Variants in HTT observed in about 807,000 individuals in gnomAD.
HTT encodes huntington disease protein.
In HTT, 104 loss-of-function variants were observed where a neutral mutation model predicts 362.3. The observed-to-expected ratio is 0.29, with a 90% CI of 0.24 to 0.34. The LOEUF (loss-of-function observed/expected upper bound fraction) is 0.34, where lower values mean the gene tolerates loss of function less well. Among genes scored for constraint, HTT ranks in the 10% least tolerant of loss-of-function variants. The pLI, the probability that HTT is intolerant of heterozygous loss-of-function variation, is 1.00. For missense variants in HTT, 3,301 were observed against 3,928.6 expected (o/e 0.84, Z 4.27); for synonymous variants, 1,577 against 1,548.7 (o/e 1.02, Z -0.43).
chr4:3,198,192 C>G (rs3025828), intron 40 of HTT, among the ~76,000 whole-genome samples: 1 of 149,510 alleles, frequency 6.7e-6, no homozygotes, highest in Non-Finnish European at 1.5e-5. Flanking sequence ...GTTTTAGGAC[C>G]CTTTCACTTT....
In HTT at chr4:3,206,939, C is replaced by A. The variant is rs766675683; in HGVS notation, c.6031C>A (p.Leu2011Ile). The A allele has an allele frequency of 1.2e-6, 2 of 1,613,790 alleles. No homozygotes were observed. Among genetic ancestry groups the A allele is most frequent in the Non-Finnish European group, 1.7e-6 (2 of 1,179,898 alleles). ...FRVLARMVDI[L>I]ACRRVEMLLA... ...TGTGCTGGCTCGCATGGTCGACATC[C>A]TTGCTTGTCGCCGGGTAGAAATGCT... The change falls in exon 44 of 67, where the codon CTT (leucine) becomes ATT (isoleucine). Residue 2011 changes from leucine (L) to isoleucine (I), a missense_variant. By Grantham distance (5) the Leu-to-Ile change is conservative. Coordinates refer to ENST00000355072, the MANE Select transcript of HTT (RefSeq NM_001388492.1). The surrounding 1 kb of genome is among the most constrained non-coding windows in gnomAD (Gnocchi z 4.6).
intron 57 of HTT, among the ~76,000 whole-genome samples, chr4:3,227,855 C>G (rs1312838334): frequency 2.6e-5 from 4 of 152,168 alleles, no homozygotes; most frequent in Non-Finnish European, 5.9e-5. Flanking sequence ...TGTTTAGCCC[C>G]TAGATGCCAC....
chr4:3,223,739 A>G (rs82332), intron 55 of HTT, among the ~76,000 whole-genome samples, 179 bp downstream of exon 55: 45,965 of 152,114 alleles, frequency 0.3, 7,352 homozygotes, highest in East Asian at 0.4. Context: ...GGTCAGTGAG[A>G]AGCTGGAAAC....
rs1195649203 is a variant in HTT, at chr4:3,131,267, G to A, written c.1987-19G>A. ...ATTGTTGAGTATGAGACAAACAAGTGTCATTGTCTCCTTTCTAGCCTTGCC... is the reference window on the plus strand; with the variant it reads ...ATTGTTGAGTATGAGACAAACAAGTATCATTGTCTCCTTTCTAGCCTTGCC... On this transcript the variant is annotated intron_variant, in intron 14 of 66. Transcript: ENST00000355072. 3 of 1,532,636 alleles carry A rather than the reference G, an allele frequency of 2.0e-6. No individual in the cohort carries two copies. The highest frequency in any genetic ancestry group is 1.1e-5 in the South Asian group (1 of 89,322). The allele number at this position is 1,532,636 out of a possible 1,614,324, so 94.9% of individuals were successfully genotyped here. A position where few individuals can be genotyped will look rare whatever the true frequency, so the allele number is the denominator to read the frequency against.
At position 3,239,876 on chromosome 4, in the gene HTT, G is replaced by A. The variant is rs1490881162; in HGVS notation, c.9246G>A (p.Lys3082=). The stretch of plus-strand genomic sequence containing the variant: ...CACATGTCATCAGCAGGATGGGCAA[G>A]CTGGAGCAGGTGGACGTGAACCTTT... ...ILPHVISRMG[K]LEQVDVNLFC... The change falls in exon 67 of 67, where the codon AAG becomes AAA. Residue 3082 remains lysine (K), a synonymous_variant. Transcript: ENST00000355072. 1.9e-6 allele frequency: 3 copies of A among 1,564,440 alleles called. No individual in the cohort carries two copies. The highest frequency in any genetic ancestry group is 2.6e-6 in the Non-Finnish European group (3 of 1,153,474).
At chr4:3,197,950 C>T (rs1479575445) in intron 40 of HTT, among the ~76,000 whole-genome samples, 2 of 152,178 alleles carry the variant, frequency 1.3e-5, no homozygotes, top group African/African-American at 4.8e-5. Flanking sequence ...GAGGGCCCCA[C>T]AGAAGGATGA....
At position 3,210,904 on chromosome 4, in the gene HTT, C is replaced by CTTTTTTTTTTTTTT. The variant is rs780304223; in HGVS notation, c.6414+957_6414+970dup. The stretch of plus-strand genomic sequence containing the variant: ...AAATCCATTTACTAAAATTGTTTAT[C>CTTTTTTTTTTTTTT]TTTTTTTTTTTTTTTGAGACAAAGT... On this transcript the variant is annotated intron_variant, in intron 47 of 66. Transcript: ENST00000355072. Among the ~76,000 whole-genome samples, 97 of 122,686 alleles carry CTTTTTTTTTTTTTT rather than the reference C, an allele frequency of 7.9e-4. 7 individuals are homozygous for CTTTTTTTTTTTTTT. The highest frequency in any genetic ancestry group is 1.6e-3 in the African/African-American group (51 of 31,016). The allele number at this position is 122,686 out of a possible 152,430, so 80.5% of individuals were successfully genotyped here. A position where few individuals can be genotyped will look rare whatever the true frequency, so the allele number is the denominator to read the frequency against.
intron 2 of HTT, among the ~76,000 whole-genome samples, chr4:3,087,895 G>A (rs2110142845): frequency 6.6e-6 from 1 of 152,170 alleles, no homozygotes; most frequent in South Asian, 2.1e-4. Context: ...TTGTTGCCCA[G>A]GCTGGAGTGC....
At chr4:3,238,327 C>G (rs1482149099) in intron 64 of HTT, 120 bp from the exon 65 acceptor site, 2 of 661,724 alleles carry the variant, frequency 3.0e-6, no homozygotes, top group Non-Finnish European at 4.8e-6. Flanking sequence ...GGCCGAGGGT[C>G]CCTCCCAGCC....
chr4:3,075,268 C>A (rs978857012), intron 1 of HTT, among the ~76,000 whole-genome samples, 180 bp downstream of exon 1: 12 of 152,226 alleles, frequency 7.9e-5, no homozygotes, highest in Non-Finnish European at 1.8e-4. Context: ...GGCCTTCCCC[C>A]ACTTCAGCCC....
intron 1 of HTT, among the ~76,000 whole-genome samples, chr4:3,080,995 G>T (rs1453423709): frequency 6.6e-6 from 1 of 152,198 alleles, no homozygotes; most frequent in Non-Finnish European, 1.5e-5. Flanking sequence ...ACTGAAGTTT[G>T]TGTCACAGTT....
At chr4:3,157,037 C>T in intron 27 of HTT, 35 bp from the exon 28 acceptor site, 2 of 1,553,104 alleles carry the variant, frequency 1.3e-6, no homozygotes, top group Non-Finnish European at 1.7e-6. Flanking sequence ...TTATTTTGAT[C>T]TAAAAGTTTA....
Position 3,148,117 on chromosome 4 carries a change from C to T in HTT, c.3408C>T (p.Pro1136=), listed in dbSNP as rs200581635. ...WPALGDRALV[P]MVEQLFSHLL... is the part of the protein sequence containing the mutation. ...CCCTGGGGGACCGGGCCCTGGTGCCCATGGTGGAGCAGCTCTTCTCTCACC... is the reference window on the plus strand; with the variant it reads ...CCCTGGGGGACCGGGCCCTGGTGCCTATGGTGGAGCAGCTCTTCTCTCACC... Residue 1136 remains proline (P), a synonymous_variant, in exon 26 of 67, where the codon CCC becomes CCT. Coordinates refer to ENST00000355072, the MANE Select transcript of HTT (RefSeq NM_001388492.1). 2 of 1,614,044 alleles carry T rather than the reference C, an allele frequency of 1.2e-6. No individual in the cohort carries two copies. Among genetic ancestry groups the T allele is most frequent in the Non-Finnish European group, 8.5e-7 (1 of 1,179,984 alleles).
chr4:3,225,779 G>A (rs749859524), intron 57 of HTT, 36 bp downstream of exon 57: 21 of 1,540,958 alleles, frequency 1.4e-5, no homozygotes, highest in African/African-American at 1.4e-5. Flanking sequence ...GCCTCTGTCC[G>A]TTTCTGTCCT....
At chr4:3,130,557 C>T (rs1011174001) in intron 14 of HTT, 134 bp downstream of exon 14, 1 of 581,046 alleles carries the variant, frequency 1.7e-6, no homozygotes, top group Non-Finnish European at 3.1e-6. Context: ...ACCAGCTCTT[C>T]CCAGGCCTGT....
chr4:3,106,426 A>G (rs548866185), intron 5 of HTT, among the ~76,000 whole-genome samples: 6 of 152,330 alleles, frequency 3.9e-5, no homozygotes, highest in African/African-American at 1.4e-4. Context: ...TTCCTTTTGT[A>G]TAATCTTTTT....
rs183462580 is a variant in HTT, at chr4:3,158,366, A to G, written c.3753+1167A>G. On this transcript the variant is annotated intron_variant, in intron 28 of 66. Coordinates refer to ENST00000355072, the MANE Select transcript of HTT (RefSeq NM_001388492.1). ...TGTTGTTCTTTAGAATTTTCTGGAT[A>G]TTCTTCTTTATTGATTTTGGGATGT... Among the ~76,000 whole-genome samples the G allele has an allele frequency of 3.4e-3, 511 of 152,254 alleles. 2 individuals carry two copies. Among genetic ancestry groups the G allele is most frequent in the Middle Eastern group, 0.02 (6 of 294 alleles).
chr4:3,207,082 C>G lies in HTT; in HGVS notation c.6075+99C>G, dbSNP rs1294585347. 12 of 1,236,922 alleles carry G rather than the reference C, an allele frequency of 9.7e-6. No individual in the cohort carries two copies. In the South Asian group the frequency reaches 1.6e-4, roughly 17 times the overall value. 76.6% of individuals were successfully genotyped at this position (1,236,922 alleles called of 1,614,324 possible). On this transcript the variant is annotated intron_variant, in intron 44 of 66. Coordinates refer to ENST00000355072, the MANE Select transcript of HTT (RefSeq NM_001388492.1). The stretch of plus-strand genomic sequence containing the variant: ...TTTTCCTCCGTAAGTATGGTCTTGA[C>G]ATGGTCACCGATAGAAACATGGAAA...
intron 2 of HTT, among the ~76,000 whole-genome samples, chr4:3,096,349 C>T (rs369671559): frequency 4.0e-4 from 61 of 152,328 alleles, no homozygotes; most frequent in African/African-American, 1.2e-3. Context: ...GAACACTTGA[C>T]CAACACTGTC....
Sources: gnomAD v4.1 joint callset for allele counts (sites outside exome capture counted in the v4.1 genomes callset) on GRCh38, gnomAD v4.1.1 for gene constraint, Gnocchi (gnomAD v3.1) non-coding constraint, MANE v1.5 for transcripts, NCBI Gene and HGNC (gene_info 2026-07-23, HGNC 2026-07-21) for gene names.